Variants in MAVS observed in about 807,000 individuals in gnomAD.
MAVS encodes the protein mitochondrial antiviral signaling protein.
Under a neutral mutation model 30.2 loss-of-function variants are expected in MAVS, and 20 were observed. That is an observed-to-expected ratio of 0.66 (90% CI 0.47 to 0.96). The LOEUF is 0.96. MAVS is among the 40% of genes least tolerant of loss of function. The pLI, the probability that MAVS is intolerant of heterozygous loss-of-function variation, is 0.00. For synonymous variants in MAVS, 278 were observed against 293.9 expected, an observed-to-expected ratio of 0.95 and a Z score of 0.55; for missense variants, 624 against 701.1, an observed-to-expected ratio of 0.89 and a Z score of 1.24.
intron 5 of MAVS, among the ~76,000 whole-genome samples, chr20:3,863,051 G>T (rs1317616255): frequency 6.6e-6 from 1 of 152,218 alleles, no homozygotes; most frequent in Admixed American, 6.5e-5. Flanking sequence ...GGGACTGTAG[G>T]GAACAGCCAG....
chr20:3,853,374 T>C (rs1431983733), intron 1 of MAVS, among the ~76,000 whole-genome samples: 1 of 150,674 alleles, frequency 6.6e-6, no homozygotes, highest in Non-Finnish European at 1.5e-5. Flanking sequence ...TCGTCCCAGC[T>C]ACTCAGGAGG....
At chr20:3,852,679 T>C (rs1375157566) in intron 1 of MAVS, among the ~76,000 whole-genome samples, 2 of 151,980 alleles carry the variant, frequency 1.3e-5, no homozygotes, top group Non-Finnish European at 2.9e-5. Flanking sequence ...TCTGATTCTT[T>C]TTGGTCTTCA....
At chr20:3,851,330 AAAC>A (rs1248931337) in intron 1 of MAVS, among the ~76,000 whole-genome samples, 30 of 150,958 alleles carry the variant, frequency 2.0e-4, no homozygotes, top group Non-Finnish European at 3.2e-4. Context: ...TCTTTCTCAA[AAAC>A]AACAACAACA....
At chr20:3,862,124 A>G in intron 4 of MAVS, 130 bp from the exon 5 acceptor site, 1 of 1,046,340 alleles carries the variant, frequency 9.6e-7, no homozygotes. Context: ...GAACCCAGGC[A>G]AGGGCTCCCC....
In MAVS at chr20:3,865,238, G is replaced by A. The variant is rs1321441468; in HGVS notation, c.1159-445G>A. On this transcript the variant is annotated intron_variant, in intron 6 of 6. Transcript: ENST00000428216. The surrounding 1 kb of genome is among the most constrained non-coding windows in gnomAD (Gnocchi z 4.7). ...GCAGTCCCACCTGGAGCAGCCACTC[G>A]GACCCAGCAGCCCCCCATTGTTGCC... Among the ~76,000 whole-genome samples the A allele has an allele frequency of 6.6e-6, 1 of 152,152 alleles. No homozygotes were observed. The highest frequency in any genetic ancestry group is 2.4e-5 in the African/African-American group (1 of 41,426).
intron 3 of MAVS, among the ~76,000 whole-genome samples, chr20:3,860,367 C>T (rs1045897320): frequency 6.9e-6 from 1 of 145,334 alleles, no homozygotes; most frequent in Non-Finnish European, 1.5e-5. Flanking sequence ...GTCCCTGATT[C>T]CTTCTATTTT....
At chr20:3,847,699 C>T (rs530949537) in intron 1 of MAVS, among the ~76,000 whole-genome samples, 2 of 152,356 alleles carry the variant, frequency 1.3e-5, no homozygotes, top group South Asian at 2.1e-4. Flanking sequence ...AGTGCACCCT[C>T]AGCCTCCCTC....
chr20:3,870,669 A>G lies in MAVS; in HGVS notation c.*4522A>G, dbSNP rs949474336. ...AAAAAAAAAAAAAAAAAAAAAAAAA[A>G]AAAAAAATCTAGGAGATGCTCTTTA... On this transcript the variant is annotated 3_prime_UTR_variant, in exon 7 of 7. Transcript: ENST00000428216. The G allele has an allele frequency of 7.2e-6, 1 of 139,058 alleles. No homozygotes were observed. Among genetic ancestry groups the G allele is most frequent in the African/African-American group, 2.7e-5 (1 of 36,406 alleles). 8.6% of individuals were successfully genotyped at this position (139,058 alleles called of 1,614,324 possible).
At chr20:3,862,221 C>T (rs770232365) in intron 4 of MAVS, 33 bp from the exon 5 acceptor site, 4 of 1,604,768 alleles carry the variant, frequency 2.5e-6, no homozygotes, top group Admixed American at 1.7e-5. Context: ...TTGGGAGAGG[C>T]AACTGCCTTA....
intron 2 of MAVS, among the ~76,000 whole-genome samples, chr20:3,856,512 C>T (rs1366833108): frequency 2.0e-5 from 3 of 151,754 alleles, no homozygotes; most frequent in Admixed American, 6.6e-5. Flanking sequence ...CTACCACACC[C>T]GGCTAATTTT....
rs1356157675 is a variant in MAVS at position 3,875,535 on chromosome 20, T to C, written c.*9388T>C. On this transcript the variant is annotated 3_prime_UTR_variant, in exon 7 of 7. Transcript: ENST00000428216. The stretch of plus-strand genomic sequence containing the variant: ...TTACTGAAGTGTAATGTAAATGCTG[T>C]AAAAGGCAGTGAAAGGCACAAGGGA... 6.7e-6 allele frequency: 1 copy of C among 149,070 alleles called. No homozygotes were observed. Among genetic ancestry groups the C allele is most frequent in the Non-Finnish European group, 1.5e-5 (1 of 67,540 alleles). The allele number at this position is 149,070 out of a possible 1,614,324, so 9.2% of individuals were successfully genotyped here.
At chr20:3,863,853 T>TC (rs907940258) in intron 5 of MAVS, among the ~76,000 whole-genome samples, 9 of 152,024 alleles carry the variant, frequency 5.9e-5, no homozygotes, top group African/African-American at 2.2e-4. Context: ...CCATGGCTGC[T>TC]CCCACTCATG....
chr20:3,862,347 C>A lies in MAVS; in HGVS notation c.559C>A (p.Leu187Ile). ...PLESSSDLAA[L>I]SPLTSSGHQE... ...GGAGTCCTCCTCTGACCTGGCAGCC[C>A]TCAGCCCTCTGACCTCCAGCGGGCA... Residue 187 changes from leucine to isoleucine, a missense_variant, in exon 5 of 7, where the codon CTC becomes ATC. By Grantham distance (5) the Leu-to-Ile change is conservative. Transcript: ENST00000428216. 1 of 1,614,158 alleles carries A rather than the reference C, an allele frequency of 6.2e-7. No individual in the cohort carries two copies.
rs1450157616 is a variant in MAVS, at chr20:3,873,876, C to T, written c.*7729C>T. On this transcript the variant is annotated 3_prime_UTR_variant, in exon 7 of 7. Coordinates refer to ENST00000428216, the MANE Select transcript of MAVS (RefSeq NM_020746.5). Reference sequence around the variant, plus strand: ...CTGGCAGTATCTACCAAAAGCCGAACATACGTATAAACTGATCCAGCAGTT... The same window carrying T: ...CTGGCAGTATCTACCAAAAGCCGAATATACGTATAAACTGATCCAGCAGTT... The T allele has an allele frequency of 5.3e-6, 2 of 375,560 alleles. No homozygotes were observed. Among genetic ancestry groups the T allele is most frequent in the Non-Finnish European group, 9.3e-6 (2 of 214,634 alleles). The allele number at this position is 375,560 out of a possible 1,614,324, so 23.3% of individuals were successfully genotyped here.
Position 3,866,738 on chromosome 20 carries a change from T to C in MAVS, c.*591T>C. ...CCTGCTGGGCAATCCTGGGAAGGTCTGGAGGTTCCTGTGGACCTCAGGGAA... is the reference window on the plus strand; with the variant it reads ...CCTGCTGGGCAATCCTGGGAAGGTCCGGAGGTTCCTGTGGACCTCAGGGAA... On this transcript the variant is annotated 3_prime_UTR_variant, in exon 7 of 7. Coordinates refer to ENST00000428216, the MANE Select transcript of MAVS (RefSeq NM_020746.5). The C allele has an allele frequency of 2.7e-6, 1 of 374,540 alleles. No homozygotes were observed. The highest frequency in any genetic ancestry group is 5.3e-6 in the Non-Finnish European group (1 of 190,166). 23.2% of individuals were successfully genotyped at this position (374,540 alleles called of 1,614,324 possible). A position where few individuals can be genotyped will look rare whatever the true frequency, so the allele number is the denominator to read the frequency against.
chr20:3,864,276 C>G lies in MAVS; in HGVS notation c.646C>G (p.Pro216Ala), dbSNP rs2089887625. 3.7e-6 allele frequency: 6 copies of G among 1,610,392 alleles called. No homozygotes were observed. The highest frequency in any genetic ancestry group is 4.2e-6 in the Non-Finnish European group (5 of 1,177,946). Residue 216 changes from proline (P) to alanine (A), a missense_variant, in exon 6 of 7, where the codon CCA (proline) becomes GCA (alanine). By Grantham distance (27) the Pro-to-Ala change is conservative. Coordinates refer to ENST00000428216, the MANE Select transcript of MAVS (RefSeq NM_020746.5). ...GGCAGGTGCGACCTCCAGCCTCACACCATCCCGTGGGCCTGTGTCTCCATC... is the reference window on the plus strand; with the variant it reads ...GGCAGGTGCGACCTCCAGCCTCACAGCATCCCGTGGGCCTGTGTCTCCATC... ...HTAGATSSLT[P>A]SRGPVSPSVS...
rs1367248373 is a variant in MAVS, at chr20:3,853,465, G to A, written c.-67-1093G>A. On this transcript the variant is annotated intron_variant, in intron 1 of 6. Coordinates refer to ENST00000428216, the MANE Select transcript of MAVS (RefSeq NM_020746.5). ...CGCGCCACCGCACTCCAGCCTGGGC[G>A]ACAGAGAAAGACTCCGTCTCAAAAA... is the stretch of plus-strand genomic sequence containing the variant. 3.4e-5 allele frequency among the ~76,000 whole-genome samples: 5 copies of A among 146,804 alleles called. No homozygotes were observed. The South Asian group carries it at 6.7e-4, about 20-fold the overall frequency.
At chr20:3,861,605 T>G (rs752167482) in intron 4 of MAVS, 101 bp downstream of exon 4, 8 of 1,248,212 alleles carry the variant, frequency 6.4e-6, no homozygotes, top group Non-Finnish European at 8.9e-6. Flanking sequence ...CCCCTATAAA[T>G]CACGCCTAAT....
In MAVS at chr20:3,869,813, C is replaced by T. The variant is rs2089940562; in HGVS notation, c.*3666C>T. 1 of 152,098 alleles carries T rather than the reference C, an allele frequency of 6.6e-6. No individual in the cohort carries two copies. Among genetic ancestry groups the T allele is most frequent in the Admixed American group, 6.6e-5 (1 of 15,250 alleles). 9.4% of individuals were successfully genotyped at this position (152,098 alleles called of 1,614,324 possible). On this transcript the variant is annotated 3_prime_UTR_variant, in exon 7 of 7. Coordinates refer to ENST00000428216, the MANE Select transcript of MAVS (RefSeq NM_020746.5). ...AGAGACGGGGTTTCTCCATGTTGGCCAGGCTGTTCTTGAACTCCTGACCTC... is the reference window on the plus strand; with the variant it reads ...AGAGACGGGGTTTCTCCATGTTGGCTAGGCTGTTCTTGAACTCCTGACCTC...
Sources: allele counts gnomAD v4.1 joint callset (sites outside exome capture counted in the v4.1 genomes callset), GRCh38; gene constraint gnomAD v4.1.1; non-coding constraint Gnocchi (gnomAD v3.1); transcripts MANE v1.5; gene names NCBI Gene and HGNC (gene_info 2026-07-23, HGNC 2026-07-21).